The following PDE11A variants were observed in gnomAD, a reference collection of about 807,000 sequenced individuals.
PDE11A encodes phosphodiesterase 11A.
A neutral mutation model predicts 100.5 loss-of-function variants in PDE11A; 100 were observed. That is an observed-to-expected ratio of 1.00 (90% confidence interval 0.85 to 1.18). The LOEUF is 1.18. Ranked by LOEUF, PDE11A falls within the 50% of genes most tolerant of loss-of-function variation. The pLI, the probability that PDE11A is intolerant of heterozygous loss-of-function variation, is 0.00. For missense variants in PDE11A, 1,141 were observed against 1,152.6 expected (o/e 0.99, Z 0.15); for synonymous variants, 381 against 420.8 (o/e 0.91, Z 1.16).
chr2:177,813,637 T>C (rs966959932), intron 9 of PDE11A, among the ~76,000 whole-genome samples: 15 of 152,062 alleles, frequency 9.9e-5, no homozygotes, highest in African/African-American at 3.6e-4. Context: ...GGGAATAGGA[T>C]TTTTAAAAGA....
intron 2 of PDE11A, among the ~76,000 whole-genome samples, chr2:177,996,122 G>A (rs148090610): frequency 0.028 from 4,309 of 152,114 alleles, 184 homozygotes; most frequent in African/African-American, 0.098. Context: ...AGCTACTTGG[G>A]AGGCAGAGGC....
chr2:178,082,340 A>G (rs2087296529), intron 2 of PDE11A, among the ~76,000 whole-genome samples: 1 of 152,198 alleles, frequency 6.6e-6, no homozygotes, highest in Admixed American at 6.5e-5. Context: ...CCACCAGTCC[A>G]TACACCTGAA....
At chr2:177,931,838 A>G (rs779583825) in intron 2 of PDE11A, among the ~76,000 whole-genome samples, 9 of 151,486 alleles carry the variant, frequency 5.9e-5, no homozygotes, top group Non-Finnish European at 8.8e-5. Flanking sequence ...AAAAATCCAC[A>G]CAAAGAACCA....
At chr2:177,794,432 G>A (rs1244489295) in intron 9 of PDE11A, among the ~76,000 whole-genome samples, 2 of 152,172 alleles carry the variant, frequency 1.3e-5, no homozygotes, top group African/African-American at 2.4e-5. Context: ...GGAAACCATC[G>A]TAACTTGGCC....
At chr2:177,923,014 C>T (rs76197733) in intron 2 of PDE11A, among the ~76,000 whole-genome samples, 3,622 of 151,516 alleles carry the variant, frequency 0.024, 66 homozygotes, top group Non-Finnish European at 0.038. Flanking sequence ...CTGGACTTTT[C>T]GATTTGCTCT....
chr2:177,734,305 A>G (rs890724926), intron 10 of PDE11A, among the ~76,000 whole-genome samples: 1 of 152,176 alleles, frequency 6.6e-6, no homozygotes, highest in Non-Finnish European at 1.5e-5. Context: ...GACCATGCTG[A>G]AAAAATAACT....
intron 2 of PDE11A, among the ~76,000 whole-genome samples, chr2:177,950,386 G>A (rs2085492247): frequency 6.6e-6 from 1 of 152,078 alleles, no homozygotes. Context: ...TCTGCTACCT[G>A]GGTTCTGCCC....
intron 4 of PDE11A, among the ~76,000 whole-genome samples, chr2:177,880,129 T>C (rs902505300): frequency 1.3e-5 from 2 of 152,218 alleles, no homozygotes; most frequent in African/African-American, 2.4e-5. Flanking sequence ...AGGAAAGAAC[T>C]GAACCTTCCC....
chr2:178,100,204 T>C (rs918929320), intron 2 of PDE11A, among the ~76,000 whole-genome samples: 12 of 152,320 alleles, frequency 7.9e-5, no homozygotes, highest in Admixed American at 6.5e-4. Context: ...TGACACAGAA[T>C]TGTAAGTTAA....
At chr2:177,853,081 A>C (rs1255061276) in intron 5 of PDE11A, among the ~76,000 whole-genome samples, 1 of 152,134 alleles carries the variant, frequency 6.6e-6, no homozygotes, top group African/African-American at 2.4e-5. Flanking sequence ...TCTACCATCT[A>C]GCATCATATA....
intron 2 of PDE11A, among the ~76,000 whole-genome samples, chr2:177,944,457 G>T (rs2085379834): frequency 6.6e-6 from 1 of 152,118 alleles, no homozygotes; most frequent in Non-Finnish European, 1.5e-5. Context: ...ATATAACAAG[G>T]TGGAACTACA....
intron 1 of PDE11A, among the ~76,000 whole-genome samples, chr2:178,048,338 G>T (rs990478818): frequency 2.6e-5 from 4 of 152,114 alleles, no homozygotes; most frequent in African/African-American, 7.2e-5. Flanking sequence ...GGGATGGGGG[G>T]CTGGGGGCGC....
chr2:177,904,642 C>T (rs2105734989), intron 3 of PDE11A, among the ~76,000 whole-genome samples: 1 of 150,404 alleles, frequency 6.6e-6, no homozygotes, highest in Middle Eastern at 3.4e-3. Flanking sequence ...GTGACCTCCG[C>T]CTCCTGGGTT....
chr2:177,719,010 A>G (rs568437163), intron 12 of PDE11A, among the ~76,000 whole-genome samples: 1 of 152,310 alleles, frequency 6.6e-6, no homozygotes, highest in Admixed American at 6.5e-5. Context: ...CCAGCAGAGC[A>G]GTGCCACAGA....
At chr2:177,930,037 C>A (rs777127765) in intron 2 of PDE11A, among the ~76,000 whole-genome samples, 1 of 152,204 alleles carries the variant, frequency 6.6e-6, no homozygotes, top group Non-Finnish European at 1.5e-5. Flanking sequence ...TTGTCAGTAT[C>A]TGTATGTGAT....
At chr2:177,796,365 C>T (rs2082708540) in intron 9 of PDE11A, among the ~76,000 whole-genome samples, 1 of 152,164 alleles carries the variant, frequency 6.6e-6, no homozygotes, top group African/African-American at 2.4e-5. Context: ...CAAATTCCCC[C>T]AGGTACCCCA....
At chr2:177,633,213 C>T (rs897607019) in intron 19 of PDE11A, among the ~76,000 whole-genome samples, 2 of 152,208 alleles carry the variant, frequency 1.3e-5, no homozygotes, top group Non-Finnish European at 2.9e-5. Context: ...GTGAACATAT[C>T]ATTAAACCAC....
At chr2:177,853,844 A>G (rs1036448627) in intron 5 of PDE11A, among the ~76,000 whole-genome samples, 1 of 144,302 alleles carries the variant, frequency 6.9e-6, no homozygotes, top group Non-Finnish European at 1.5e-5. Context: ...ATATATCTAT[A>G]TATGTGTATA....
chr2:177,769,033 C>T (rs910131802), intron 10 of PDE11A, among the ~76,000 whole-genome samples: 3 of 152,274 alleles, frequency 2.0e-5, no homozygotes, highest in South Asian at 2.1e-4. Context: ...ATGCCAAAAC[C>T]GGGTGTCCTG....
Sources: gnomAD v4.1 joint callset for allele counts (sites outside exome capture counted in the v4.1 genomes callset) on GRCh38, gnomAD v4.1.1 for gene constraint, MANE v1.5 for transcripts, NCBI Gene and HGNC (gene_info 2026-07-23, HGNC 2026-07-21) for gene names.